The following EPN2 variants were observed in gnomAD, a reference collection of about 807,000 sequenced individuals.
EPN2 encodes the protein epsin 2, also known as epsin-2.
A neutral mutation model predicts 61.7 loss-of-function variants in EPN2; 34 were observed. That is an observed-to-expected ratio of 0.55 (90% confidence interval 0.42 to 0.73). The LOEUF is 0.73. Among genes scored for constraint, EPN2 ranks in the 30% least tolerant of loss-of-function variants. The pLI is 0.00. For synonymous variants in EPN2, 349 were observed against 353.6 expected, an observed-to-expected ratio of 0.99 and a Z score of 0.15; for missense variants, 714 against 839.2, an observed-to-expected ratio of 0.85 and a Z score of 1.84.
intron 1 of EPN2, among the ~76,000 whole-genome samples, chr17:19,249,799 C>T (rs955518841): frequency 7.9e-5 from 12 of 152,050 alleles, no homozygotes; most frequent in Admixed American, 2.6e-4. Flanking sequence ...GCGGGAAGTC[C>T]GACACAGGTC....
chr17:19,302,972 A>T (rs894281989), intron 4 of EPN2, among the ~76,000 whole-genome samples: 9 of 152,196 alleles, frequency 5.9e-5, no homozygotes, highest in Non-Finnish European at 1.5e-5. Flanking sequence ...GCAGGGAGGA[A>T]GAGTTCCCTC....
chr17:19,268,635 G>A (rs1372295105), intron 1 of EPN2, among the ~76,000 whole-genome samples: 3 of 152,160 alleles, frequency 2.0e-5, no homozygotes, highest in Non-Finnish European at 2.9e-5. Flanking sequence ...TCTAGGAACA[G>A]ACTCTAGAAA....
chr17:19,267,540 CTT>C (rs398058634), intron 1 of EPN2, among the ~76,000 whole-genome samples: 1 of 140,976 alleles, frequency 7.1e-6, no homozygotes, highest in Admixed American at 7.1e-5. Flanking sequence ...AGTAGAGCAG[CTT>C]TTTTTTTTTT....
At chr17:19,329,786 C>T in intron 9 of EPN2, 139 bp downstream of exon 9, 1 of 608,692 alleles carries the variant, frequency 1.6e-6, no homozygotes, top group South Asian at 2.1e-5. Context: ...CCTGAAGTTT[C>T]TAATTCTAAG....
At chr17:19,266,562 C>T (rs1401795461) in intron 1 of EPN2, among the ~76,000 whole-genome samples, 1 of 151,998 alleles carries the variant, frequency 6.6e-6, no homozygotes, top group African/African-American at 2.4e-5. Context: ...GCTACCACGC[C>T]TGGCTAATTT....
At chr17:19,254,341 A>G (rs942103370) in intron 1 of EPN2, among the ~76,000 whole-genome samples, 3 of 152,112 alleles carry the variant, frequency 2.0e-5, no homozygotes, top group Non-Finnish European at 4.4e-5. Context: ...CAGGAGTTCC[A>G]GACCAGCCTA....
At chr17:19,238,253 G>T (rs775571465) in intron 1 of EPN2, among the ~76,000 whole-genome samples, 3 of 152,242 alleles carry the variant, frequency 2.0e-5, no homozygotes, top group Non-Finnish European at 4.4e-5. Flanking sequence ...GGGTGAATGG[G>T]TGCGTGGGGT....
chr17:19,244,128 C>T (rs1184105051), intron 1 of EPN2, among the ~76,000 whole-genome samples: 1 of 152,202 alleles, frequency 6.6e-6, no homozygotes, highest in East Asian at 1.9e-4. Flanking sequence ...ATCATTCTCA[C>T]ACATCATGTA....
At chr17:19,241,360 G>C (rs917898369) in intron 1 of EPN2, among the ~76,000 whole-genome samples, 1 of 152,106 alleles carries the variant, frequency 6.6e-6, no homozygotes, top group Admixed American at 6.5e-5. Context: ...CAAAGCGGCC[G>C]GATCACCCTG....
intron 1 of EPN2, among the ~76,000 whole-genome samples, chr17:19,279,532 G>A (rs1373869289): frequency 2.6e-5 from 4 of 151,208 alleles, no homozygotes; most frequent in African/African-American, 7.3e-5. Flanking sequence ...TCTGCCTCCC[G>A]GGTTCACGCC....
Position 19,276,360 on chromosome 17 carries a change from A to ATTTTTTTTTTT in EPN2, c.-293-5573_-293-5563dup, listed in dbSNP as rs140536354. The ATTTTTTTTTTT allele has an allele frequency of 5.0e-4, 40 of 79,970 alleles. 1 individual carries two copies. The highest frequency in any genetic ancestry group is 1.8e-3 in the African/African-American group (34 of 19,118). The allele number at this position is 79,970 out of a possible 1,614,324, so 5.0% of individuals were successfully genotyped here. ...GCACCACCATGCCCAGCTAATTAAAATTTTTTTTTTTTTTTTTTTTTTTTT... is the reference window on the plus strand; with the variant it reads ...GCACCACCATGCCCAGCTAATTAAAATTTTTTTTTTTTTTTTTTTTTTTTTTTTTTTTTTTT... On this transcript the variant is annotated intron_variant, in intron 1 of 10. Coordinates refer to ENST00000314728, the MANE Select transcript of EPN2 (RefSeq NM_014964.5).
chr17:19,310,042 C>G, intron 5 of EPN2, 45 bp downstream of exon 5: 2 of 1,387,034 alleles, frequency 1.4e-6, no homozygotes, highest in Non-Finnish European at 2.0e-6. Flanking sequence ...TGCCCATGCT[C>G]AGGGTGGAGT....
chr17:19,268,082 TGAGGGTTCTCACTCTGCCCGCA>T (rs2045218106), intron 1 of EPN2, among the ~76,000 whole-genome samples: 1 of 152,234 alleles, frequency 6.6e-6, no homozygotes, highest in Non-Finnish European at 1.5e-5. Context: ...TGTGTCTCCC[TGAGGGTTCTCACTCTGCCCGCA>T]GAGGCCTCCT....
At chr17:19,331,393 C>T (rs181125541) in intron 9 of EPN2, among the ~76,000 whole-genome samples, 6 of 152,246 alleles carry the variant, frequency 3.9e-5, no homozygotes, top group South Asian at 2.1e-4. Flanking sequence ...ACATTCCTAC[C>T]GGCCTGGCTC....
At chr17:19,250,243 C>T (rs1468325954) in intron 1 of EPN2, among the ~76,000 whole-genome samples, 1 of 151,772 alleles carries the variant, frequency 6.6e-6, no homozygotes, top group Non-Finnish European at 1.5e-5. Context: ...TACAGGTGTG[C>T]GCGACCATGC....
At chr17:19,301,946 G>A (rs1905543229) in intron 4 of EPN2, among the ~76,000 whole-genome samples, 1 of 152,260 alleles carries the variant, frequency 6.6e-6, no homozygotes, top group Admixed American at 6.5e-5. Flanking sequence ...CCTTTAGGGT[G>A]CTAGGAGCAA....
At chr17:19,306,107 A>G (rs1470800013) in intron 4 of EPN2, 1 of 152,220 alleles carries the variant, frequency 6.6e-6, no homozygotes, top group African/African-American at 2.4e-5. Flanking sequence ...TGTCTGGGAA[A>G]GCAACCTGCA....
At chr17:19,279,407 A>G (rs2045338840) in intron 1 of EPN2, among the ~76,000 whole-genome samples, 1 of 151,590 alleles carries the variant, frequency 6.6e-6, no homozygotes, top group Non-Finnish European at 1.5e-5. Flanking sequence ...CAGAGCCCAG[A>G]GCATTGTTTC....
At chr17:19,256,912 C>G (rs931303064) in intron 1 of EPN2, among the ~76,000 whole-genome samples, 4 of 152,156 alleles carry the variant, frequency 2.6e-5, no homozygotes, top group African/African-American at 9.7e-5. Flanking sequence ...ATGGTCTTTG[C>G]AACTAATCTG....
Sources: gnomAD v4.1 joint callset for allele counts (sites outside exome capture counted in the v4.1 genomes callset) on GRCh38, gnomAD v4.1.1 for gene constraint, MANE v1.5 for transcripts, NCBI Gene and HGNC (gene_info 2026-07-23, HGNC 2026-07-21) for gene names.